HADHA: variants seen among roughly 807,000 people sequenced by gnomAD.
The protein encoded by HADHA is hydroxyacyl-CoA dehydrogenase trifunctional multienzyme complex subunit alpha, also known as trifunctional enzyme subunit alpha, mitochondrial.
Under a neutral mutation model 91.3 loss-of-function variants are expected in HADHA, and 59 were observed. That is an observed-to-expected ratio of 0.65 (90% CI 0.52 to 0.80). The LOEUF is 0.80. Among genes scored for constraint, HADHA ranks in the 30% least tolerant of loss-of-function variants. HADHA has a pLI of 0.00. For synonymous variants in HADHA, 320 were observed against 338.9 expected, an observed-to-expected ratio of 0.94 and a Z score of 0.61; for missense variants, 800 against 927.6, an observed-to-expected ratio of 0.86 and a Z score of 1.79.
chr2:26,219,006 CA>C (rs371567909), intron 7 of HADHA, among the ~76,000 whole-genome samples: 34 of 102,702 alleles, frequency 3.3e-4, no homozygotes, highest in Admixed American at 4.5e-4. Flanking sequence ...GACTCCGTCT[CA>C]AAAAAAAAAA....
chr2:26,203,865 A>C (rs1669912719), intron 12 of HADHA, among the ~76,000 whole-genome samples, 197 bp downstream of exon 12: 1 of 152,238 alleles, frequency 6.6e-6, no homozygotes, highest in Non-Finnish European at 1.5e-5. Flanking sequence ...ACGAAGTCAA[A>C]GAAGGAATTG....
chr2:26,241,564 T>C (rs1670890448), intron 1 of HADHA, among the ~76,000 whole-genome samples: 1 of 151,586 alleles, frequency 6.6e-6, no homozygotes, highest in African/African-American at 2.4e-5. Flanking sequence ...GACAGGAGAA[T>C]CACTTGAACC....
At chr2:26,216,446 G>A (rs1478180997) in intron 7 of HADHA, among the ~76,000 whole-genome samples, 1 of 148,098 alleles carries the variant, frequency 6.8e-6, no homozygotes, top group Admixed American at 7.0e-5. Context: ...TCAGCCTCCC[G>A]AGTACCTGGG....
Position 26,221,744 on chromosome 2 carries a change from C to T in HADHA, c.677-6569G>A, listed in dbSNP as rs1159932891. Among the ~76,000 whole-genome samples the T allele has an allele frequency of 6.6e-6, 1 of 152,194 alleles. No homozygotes were observed. Among genetic ancestry groups the T allele is most frequent in the Non-Finnish European group, 1.5e-5 (1 of 68,040 alleles). ...TTTGTAGATATTTCTGTGTGATACG[C>T]AGGTACCACCTGGAAGTGCACAGCT... On this transcript the variant is annotated intron_variant, in intron 7 of 19. Coordinates refer to ENST00000380649, the MANE Select transcript of HADHA (RefSeq NM_000182.5). This position sits in a 1 kb window ranked among gnomAD's most constrained non-coding sequence, Gnocchi z 4.8.
intron 16 of HADHA, among the ~76,000 whole-genome samples, chr2:26,194,101 ACAT>A (rs1388070075): frequency 6.6e-6 from 1 of 152,190 alleles, no homozygotes; most frequent in East Asian, 1.9e-4. Context: ...AACAGAAGAA[ACAT>A]CATCAAAGAG....
intron 5 of HADHA, among the ~76,000 whole-genome samples, chr2:26,233,458 G>T (rs1670674544): frequency 6.6e-6 from 1 of 152,230 alleles, no homozygotes; most frequent in African/African-American, 2.4e-5. Context: ...AGTGCTCAAT[G>T]AATGTTTCCT....
intron 10 of HADHA, chr2:26,212,181 G>C (rs1670117127): frequency 6.6e-6 from 2 of 305,196 alleles, no homozygotes; most frequent in Admixed American, 4.6e-5. Flanking sequence ...TGACCTCCTG[G>C]ACTCAAACAA....
chr2:26,205,427 G>A (rs574286987), intron 11 of HADHA, among the ~76,000 whole-genome samples: 8 of 152,288 alleles, frequency 5.3e-5, no homozygotes, highest in African/African-American at 1.7e-4. Context: ...TTTATATGGT[G>A]AGTGATAAGT....
chr2:26,227,985 A>T (rs941189083), intron 7 of HADHA, among the ~76,000 whole-genome samples: 1 of 151,726 alleles, frequency 6.6e-6, no homozygotes. Context: ...CCAACTAGTT[A>T]AAACTTTTTA....
At chr2:26,219,445 A>C (rs1234019985) in intron 7 of HADHA, among the ~76,000 whole-genome samples, 1 of 152,214 alleles carries the variant, frequency 6.6e-6, no homozygotes, top group African/African-American at 2.4e-5. Flanking sequence ...TTATTAATCC[A>C]AAAGAAAGCA....
intron 1 of HADHA, 70 bp downstream of exon 1, chr2:26,244,460 G>C (rs1252947617): frequency 6.8e-7 from 1 of 1,474,156 alleles, no homozygotes; most frequent in African/African-American, 1.4e-5. Context: ...GGGAGACGCG[G>C]CTCCGGGGCC....
chr2:26,233,096 G>A (rs1427180074), intron 5 of HADHA, among the ~76,000 whole-genome samples: 1 of 152,164 alleles, frequency 6.6e-6, no homozygotes, highest in Admixed American at 6.5e-5. Context: ...CAGCTCTTAT[G>A]AGAATCTAAT....
intron 3 of HADHA, 91 bp downstream of exon 3, chr2:26,238,843 A>G (rs546611438): frequency 8.4e-6 from 7 of 836,160 alleles, no homozygotes; most frequent in Non-Finnish European, 1.3e-5. Flanking sequence ...CCAGATTGGT[A>G]GATTTGGGGA....
intron 12 of HADHA, among the ~76,000 whole-genome samples, chr2:26,203,158 A>G (rs1417041596): frequency 6.6e-6 from 1 of 152,240 alleles, no homozygotes; most frequent in Admixed American, 6.5e-5. Flanking sequence ...TTATCTTACA[A>G]TAATCTGCCA....
chr2:26,210,239 TAC>T lies in HADHA; in HGVS notation c.976-352_976-351del, dbSNP rs1475986049. Among the ~76,000 whole-genome samples, 1 of 152,206 alleles carries T rather than the reference TAC, an allele frequency of 6.6e-6. No homozygotes were observed. The highest frequency in any genetic ancestry group is 1.5e-5 in the Non-Finnish European group (1 of 68,038). On this transcript the variant is annotated intron_variant, in intron 10 of 19. Transcript: ENST00000380649. This position sits in a 1 kb window ranked among gnomAD's most constrained non-coding sequence, Gnocchi z 4.0. ...TCATCTCAAACCAACCCTCTCATTT[TAC>T]AGATTGGGAAGAGGAGGTCCAAAGA...
At chr2:26,223,497 T>C (rs1417898310) in intron 7 of HADHA, among the ~76,000 whole-genome samples, 1 of 152,148 alleles carries the variant, frequency 6.6e-6, no homozygotes, top group Non-Finnish European at 1.5e-5. Flanking sequence ...AAAGGGAATA[T>C]GAAAAGGGGA....
At chr2:26,232,102 T>A in intron 6 of HADHA, 58 bp downstream of exon 6, 1 of 1,285,822 alleles carries the variant, frequency 7.8e-7, no homozygotes, top group Non-Finnish European at 1.1e-6. Context: ...ATGCATTTTA[T>A]ACAAGAAAAC....
intron 7 of HADHA, among the ~76,000 whole-genome samples, chr2:26,227,730 G>A (rs1266846633): frequency 6.6e-6 from 1 of 152,098 alleles, no homozygotes. Flanking sequence ...GGCTTCTTGG[G>A]AGGCTGAGGC....
chr2:26,207,774 T>G (rs956728458), intron 11 of HADHA, among the ~76,000 whole-genome samples: 2 of 152,108 alleles, frequency 1.3e-5, no homozygotes, highest in Non-Finnish European at 2.9e-5. Context: ...TAGCTCAGTA[T>G]TTTTTTTCAT....
Sources: allele counts gnomAD v4.1 joint callset (sites outside exome capture counted in the v4.1 genomes callset), GRCh38; gene constraint gnomAD v4.1.1; non-coding constraint Gnocchi (gnomAD v3.1); transcripts MANE v1.5; gene names NCBI Gene and HGNC (gene_info 2026-07-23, HGNC 2026-07-21).